Variants in MOGAT1 observed in about 807,000 individuals in gnomAD.
MOGAT1 encodes the protein monoacylglycerol O-acyltransferase 1.
Under a neutral mutation model 31.4 loss-of-function variants are expected in MOGAT1, and 32 were observed. That is an observed-to-expected ratio of 1.02 (90% CI 0.77 to 1.37). The LOEUF is 1.37. MOGAT1 is among the 40% of genes most tolerant of loss of function. MOGAT1 has a pLI of 0.00. For missense variants in MOGAT1, 426 were observed against 402.0 expected (o/e 1.06, Z -0.51); for synonymous variants, 145 against 144.5 (o/e 1.00, Z -0.03).
chr2:222,679,102 T>C (rs1191944648), intron 1 of MOGAT1, among the ~76,000 whole-genome samples: 1 of 152,220 alleles, frequency 6.6e-6, no homozygotes, highest in African/African-American at 2.4e-5. Context: ...TTTTTCTGCA[T>C]ATATATAATC....
At chr2:222,677,736 A>C in intron 1 of MOGAT1, 1 of 392,946 alleles carries the variant, frequency 2.5e-6, no homozygotes, top group Non-Finnish European at 5.1e-6. Flanking sequence ...CTGGTGAAGA[A>C]GGAAGTTACT....
intron 5 of MOGAT1, among the ~76,000 whole-genome samples, chr2:222,708,704 A>G (rs1241909472): frequency 6.6e-6 from 1 of 152,226 alleles, no homozygotes; most frequent in African/African-American, 2.4e-5. Flanking sequence ...TCCATGCACT[A>G]AAAACGTATA....
At chr2:222,689,566 G>C (rs776955641) in intron 3 of MOGAT1, 97 bp downstream of exon 3, 69 of 1,160,622 alleles carry the variant, frequency 5.9e-5, no homozygotes, top group Non-Finnish European at 8.3e-5. Flanking sequence ...TGGTCTCTTA[G>C]AGTAAAACCT....
chr2:222,676,151 T>C (rs939654741), intron 1 of MOGAT1, among the ~76,000 whole-genome samples: 2 of 121,522 alleles, frequency 1.6e-5, no homozygotes, highest in Non-Finnish European at 3.3e-5. Flanking sequence ...ACTGATCTCC[T>C]TTTTTTTTTT....
At chr2:222,689,749 A>G (rs1443080559) in intron 3 of MOGAT1, among the ~76,000 whole-genome samples, 1 of 152,230 alleles carries the variant, frequency 6.6e-6, no homozygotes, top group African/African-American at 2.4e-5. Context: ...ATGATCAAAT[A>G]AAGTAATGAA....
chr2:222,674,951 G>T (rs760647050), intron 1 of MOGAT1, among the ~76,000 whole-genome samples: 1 of 152,084 alleles, frequency 6.6e-6, no homozygotes, highest in African/African-American at 2.4e-5. Flanking sequence ...GATTACAGGC[G>T]CTAGCCACTG....
intron 5 of MOGAT1, among the ~76,000 whole-genome samples, chr2:222,704,453 T>C (rs1692973938): frequency 6.6e-6 from 1 of 151,774 alleles, no homozygotes; most frequent in East Asian, 1.9e-4. Flanking sequence ...TGAAACCCCG[T>C]CTCTACTAAA....
intron 1 of MOGAT1, among the ~76,000 whole-genome samples, chr2:222,680,373 A>G (rs1692558817): frequency 6.6e-6 from 1 of 152,218 alleles, no homozygotes; most frequent in Non-Finnish European, 1.5e-5. Context: ...TCATCAGGCA[A>G]GGAAGTAGGT....
chr2:222,675,867 GATAA>G (rs1692490025), intron 1 of MOGAT1, among the ~76,000 whole-genome samples: 1 of 152,008 alleles, frequency 6.6e-6, no homozygotes, highest in South Asian at 2.1e-4. Flanking sequence ...GGAAATAAAG[GATAA>G]ATACTCTTCT....
At chr2:222,682,085 G>A (rs1054269788) in intron 1 of MOGAT1, among the ~76,000 whole-genome samples, 2 of 151,390 alleles carry the variant, frequency 1.3e-5, no homozygotes, top group South Asian at 2.1e-4. Context: ...CAACTTTTTA[G>A]CATTCTGCCA....
intron 5 of MOGAT1, among the ~76,000 whole-genome samples, chr2:222,700,348 T>C (rs2106042889): frequency 6.6e-6 from 1 of 152,342 alleles, no homozygotes; most frequent in South Asian, 2.1e-4. Context: ...TGAATCTGAA[T>C]TAGTTGTCAA....
chr2:222,681,630 C>A (rs1468117632), intron 1 of MOGAT1, among the ~76,000 whole-genome samples: 1 of 152,134 alleles, frequency 6.6e-6, no homozygotes, highest in African/African-American at 2.4e-5. Context: ...CAATTTCCAG[C>A]CCTTCTCCTC....
intron 1 of MOGAT1, among the ~76,000 whole-genome samples, chr2:222,685,936 A>G (rs1443608921): frequency 6.6e-6 from 1 of 152,104 alleles, no homozygotes; most frequent in African/African-American, 2.4e-5. Context: ...TGTAATGAGC[A>G]TTAAAGAGAT....
chr2:222,683,253 G>A (rs1179546088), intron 1 of MOGAT1, among the ~76,000 whole-genome samples: 1 of 151,814 alleles, frequency 6.6e-6, no homozygotes, highest in Non-Finnish European at 1.5e-5. Context: ...TGCCAGTGGT[G>A]GAGCTGAGGG....
intron 2 of MOGAT1, 133 bp downstream of exon 2, chr2:222,688,655 C>T (rs1692713122): frequency 1.5e-6 from 1 of 656,526 alleles, no homozygotes; most frequent in Non-Finnish European, 2.5e-6. Flanking sequence ...TAACAGAATA[C>T]CAAAGACTAG....
chr2:222,699,931 AT>A (rs1438158635), intron 5 of MOGAT1, among the ~76,000 whole-genome samples: 2 of 152,176 alleles, frequency 1.3e-5, no homozygotes, highest in Non-Finnish European at 2.9e-5. Flanking sequence ...ATGCTGTTTA[AT>A]TAATAAAATG....
intron 5 of MOGAT1, among the ~76,000 whole-genome samples, chr2:222,709,357 G>A (rs1227072110): frequency 1.3e-5 from 2 of 152,158 alleles, no homozygotes; most frequent in Non-Finnish European, 2.9e-5. Context: ...GCCACGTGAC[G>A]TGAGGATTCA....
intron 1 of MOGAT1, among the ~76,000 whole-genome samples, chr2:222,684,066 C>T (rs1465636241): frequency 6.6e-6 from 1 of 152,252 alleles, no homozygotes; most frequent in African/African-American, 2.4e-5. Context: ...TATCTAGTCA[C>T]CTAGTTTTTA....
At chr2:222,689,541 G>C (rs1035662047) in intron 3 of MOGAT1, 72 bp downstream of exon 3, 32 of 1,391,660 alleles carry the variant, frequency 2.3e-5, no homozygotes, top group Non-Finnish European at 3.2e-5. Flanking sequence ...TCCCTCCCAG[G>C]CCCATGTGTG....
Sources: allele counts gnomAD v4.1 joint callset (sites outside exome capture counted in the v4.1 genomes callset), GRCh38; gene constraint gnomAD v4.1.1; transcripts MANE v1.5; gene names NCBI Gene and HGNC (gene_info 2026-07-23, HGNC 2026-07-21).